C1QTNF7: variants seen among roughly 807,000 people sequenced by gnomAD.
C1QTNF7 encodes the protein complement C1q tumor necrosis factor-related protein 7.
C1QTNF7 carries 15 observed loss-of-function variants against 19.6 expected under a neutral mutation model. That is an observed-to-expected ratio of 0.76 (90% confidence interval 0.51 to 1.18). The LOEUF (loss-of-function observed/expected upper bound fraction) is 1.18, where lower values mean the gene tolerates loss of function less well. C1QTNF7 is among the 50% of genes most tolerant of loss of function. C1QTNF7 has a pLI of 0.00. For synonymous variants in C1QTNF7, 142 were observed against 137.5 expected (o/e 1.03, Z -0.23); for missense variants, 324 against 359.7 (o/e 0.90, Z 0.80).
intron 2 of C1QTNF7, among the ~76,000 whole-genome samples, chr4:15,436,329 T>C (rs1712536525): frequency 6.6e-6 from 1 of 152,220 alleles, no homozygotes; most frequent in African/African-American, 2.4e-5. Context: ...CCAGAAGTAC[T>C]GGGCTATTGC....
At chr4:15,362,956 C>T (rs1297865151) in intron 1 of C1QTNF7, among the ~76,000 whole-genome samples, 45 of 152,086 alleles carry the variant, frequency 3.0e-4, no homozygotes, top group Admixed American at 2.9e-3. Flanking sequence ...AAACTCAAAC[C>T]TGGAAAGATA....
At chr4:15,420,553 C>T (rs1711699901) in intron 1 of C1QTNF7, among the ~76,000 whole-genome samples, 1 of 152,206 alleles carries the variant, frequency 6.6e-6, no homozygotes. Context: ...TGTCAGTCAA[C>T]AAGATGCATT....
chr4:15,442,440 CT>C lies in C1QTNF7; in HGVS notation c.512del (p.Leu171ProfsTer48), dbSNP rs753791909. On this transcript the variant is annotated frameshift_variant, in exon 3 of 3. Coordinates refer to ENST00000444304, the MANE Select transcript of C1QTNF7 (RefSeq NM_031911.5). LOFTEE classifies it high-confidence loss of function. Reference protein sequence around the residue: ...ERLPIIFNKVLFNEGEHYNPA... With the variant: ...ERLPIIFNKVXFNEGEHYNPA... ...ACTACCTATTATATTTAACAAGGTC[CT>C]CTTCAACGAGGGAGAGCACTACAAC... 2 of 1,614,202 alleles carry C rather than the reference CT, an allele frequency of 1.2e-6. No homozygotes were observed. The highest frequency in any genetic ancestry group is 3.3e-5 in the Admixed American group (2 of 60,030).
At chr4:15,428,633 T>C (rs568401327) in intron 1 of C1QTNF7, among the ~76,000 whole-genome samples, 1 of 152,194 alleles carries the variant, frequency 6.6e-6, no homozygotes, top group African/African-American at 2.4e-5. Flanking sequence ...GGAGGTTAAT[T>C]CATGGCAAAC....
intron 1 of C1QTNF7, chr4:15,373,903 A>C (rs4586926): frequency 0.49 from 74,423 of 152,062 alleles, 20,036 homozygotes; most frequent in African/African-American, 0.72. Context: ...TGGGGCTGTG[A>C]CGACAAAATT....
At chr4:15,351,918 T>G (rs911030904) in intron 1 of C1QTNF7, among the ~76,000 whole-genome samples, 9 of 152,120 alleles carry the variant, frequency 5.9e-5, no homozygotes, top group East Asian at 1.9e-4. Flanking sequence ...TCAACAAACA[T>G]AGAGAGGAAT....
At chr4:15,422,815 G>T (rs1410892681) in intron 1 of C1QTNF7, among the ~76,000 whole-genome samples, 1 of 151,946 alleles carries the variant, frequency 6.6e-6, no homozygotes, top group Non-Finnish European at 1.5e-5. Context: ...TAGAGATGGG[G>T]TTTTGCCATA....
intron 1 of C1QTNF7, among the ~76,000 whole-genome samples, chr4:15,360,950 A>G (rs1013917636): frequency 2.6e-5 from 4 of 152,144 alleles, no homozygotes; most frequent in African/African-American, 4.8e-5. Flanking sequence ...TCTAACACCT[A>G]TAAGAGGACA....
At chr4:15,363,505 A>G (rs948577585) in intron 1 of C1QTNF7, among the ~76,000 whole-genome samples, 6 of 152,098 alleles carry the variant, frequency 3.9e-5, no homozygotes, top group Non-Finnish European at 7.4e-5. Flanking sequence ...CAAAATCTGA[A>G]CGTGTGAAAC....
chr4:15,352,528 C>T (rs963752811), intron 1 of C1QTNF7, among the ~76,000 whole-genome samples: 1 of 152,124 alleles, frequency 6.6e-6, no homozygotes, highest in Non-Finnish European at 1.5e-5. Context: ...ACCATGGCCT[C>T]TGAATAAAAT....
intron 2 of C1QTNF7, among the ~76,000 whole-genome samples, chr4:15,439,926 T>A (rs1281229239): frequency 1.3e-5 from 2 of 151,784 alleles, no homozygotes; most frequent in East Asian, 3.9e-4. Context: ...ATGTCTTATA[T>A]ATAATCTATT....
At chr4:15,392,868 T>C (rs984224819) in intron 1 of C1QTNF7, among the ~76,000 whole-genome samples, 4 of 151,980 alleles carry the variant, frequency 2.6e-5, no homozygotes, top group African/African-American at 9.7e-5. Flanking sequence ...CACCTGGGAG[T>C]TTGCTATCCT....
intron 1 of C1QTNF7, among the ~76,000 whole-genome samples, chr4:15,353,035 T>C (rs1716989413): frequency 6.6e-6 from 1 of 152,166 alleles, no homozygotes; most frequent in Non-Finnish European, 1.5e-5. Context: ...TCATATTAGC[T>C]CCAAATAGCT....
intron 1 of C1QTNF7, among the ~76,000 whole-genome samples, chr4:15,386,464 C>T (rs1330137801): frequency 1.3e-5 from 2 of 152,024 alleles, no homozygotes; most frequent in African/African-American, 4.8e-5. Flanking sequence ...TACCTGCCCT[C>T]GTGGAGCTTA....
chr4:15,416,233 G>A (rs745934554), intron 1 of C1QTNF7, among the ~76,000 whole-genome samples: 9 of 152,144 alleles, frequency 5.9e-5, no homozygotes. Flanking sequence ...TAAGCCATTA[G>A]AAATTATTTC....
At chr4:15,400,271 T>C (rs757256978) in intron 1 of C1QTNF7, among the ~76,000 whole-genome samples, 12 of 152,240 alleles carry the variant, frequency 7.9e-5, no homozygotes, top group Non-Finnish European at 1.5e-4. Flanking sequence ...GTCTGTATAT[T>C]GCAAAAAGAT....
chr4:15,393,127 G>A (rs1406557074), intron 1 of C1QTNF7, among the ~76,000 whole-genome samples: 1 of 152,148 alleles, frequency 6.6e-6, no homozygotes, highest in Non-Finnish European at 1.5e-5. Context: ...GGTTTTATAA[G>A]GGGAAATCTC....
intron 1 of C1QTNF7, 114 bp from the exon 2 acceptor site, chr4:15,435,622 A>T: frequency 1.3e-5 from 19 of 1,438,926 alleles, no homozygotes; most frequent in Admixed American, 2.1e-5. Context: ...AAAGACGAAC[A>T]CTGGAGTGAT....
At chr4:15,423,671 C>G (rs1711896789), upstream of C1QTNF7, among the ~76,000 whole-genome samples, 1 of 152,216 alleles carries the variant, frequency 6.6e-6, no homozygotes, top group Non-Finnish European at 1.5e-5. Flanking sequence ...CTGGCCCAGG[C>G]ACATCCTCCC....
Sources: gnomAD v4.1 joint callset for allele counts (sites outside exome capture counted in the v4.1 genomes callset) on GRCh38, gnomAD v4.1.1 for gene constraint, MANE v1.5 for transcripts, NCBI Gene and HGNC (gene_info 2026-07-23, HGNC 2026-07-21) for gene names.